The following VPS39 variants were observed in gnomAD, a reference collection of about 807,000 sequenced individuals.
VPS39 encodes the protein vam6/Vps39-like protein.
A neutral mutation model predicts 121.0 loss-of-function variants in VPS39; 70 were observed. The observed-to-expected ratio is 0.58, with a 90% CI of 0.48 to 0.71. VPS39 has a LOEUF of 0.71. Ranked by LOEUF, VPS39 falls within the 30% of genes least tolerant of loss-of-function variation. The pLI, the probability that VPS39 is intolerant of heterozygous loss-of-function variation, is 0.00. For synonymous variants in VPS39, 378 were observed against 398.1 expected, an observed-to-expected ratio of 0.95 and a Z score of 0.60; for missense variants, 818 against 1,051.5, an observed-to-expected ratio of 0.78 and a Z score of 3.07.
intron 1 of VPS39, among the ~76,000 whole-genome samples, chr15:42,206,804 G>T (rs1318014779): frequency 6.6e-6 from 1 of 152,174 alleles, no homozygotes; most frequent in Non-Finnish European, 1.5e-5. Flanking sequence ...AGAATGGCCC[G>T]TGTAGCCACC....
intron 1 of VPS39, among the ~76,000 whole-genome samples, chr15:42,203,446 C>G (rs2050106821): frequency 6.6e-6 from 1 of 150,818 alleles, no homozygotes; most frequent in Non-Finnish European, 1.5e-5. Context: ...TGCACTCCAG[C>G]CTGGGTGACG....
At position 42,166,463 on chromosome 15, in the gene VPS39, C is replaced by T. The variant is rs1026778176; in HGVS notation, c.1606+100G>A. ...AGGAATGAAATTGAGTGAACACGAG[C>T]ACGGGAGGGAGGGGAGCAACCAACC... On this transcript the variant is annotated intron_variant, in intron 15 of 24. Transcript: ENST00000318006. The T allele has an allele frequency of 4.4e-6, 6 of 1,357,686 alleles. No homozygotes were observed. In the African/African-American group the frequency reaches 8.6e-5, roughly 20 times the overall value. The allele number at this position is 1,357,686 out of a possible 1,614,324, so 84.1% of individuals were successfully genotyped here.
Position 42,159,116 on chromosome 15 carries a change from T to G in VPS39, c.*1638A>C, listed in dbSNP as rs2049079237. 1 of 152,236 alleles carries G rather than the reference T, an allele frequency of 6.6e-6. No homozygotes were observed. Among genetic ancestry groups the G allele is most frequent in the African/African-American group, 2.4e-5 (1 of 41,434 alleles). The allele number at this position is 152,236 out of a possible 1,614,324, so 9.4% of individuals were successfully genotyped here. A position where few individuals can be genotyped will look rare whatever the true frequency, so the allele number is the denominator to read the frequency against. ...CCAGTCGGGACGTGGCGCCACACAC[T>G]GCTCCTCCGAACTCTGGTGAAGGGC... On this transcript the variant is annotated 3_prime_UTR_variant, in exon 25 of 25. Transcript: ENST00000318006.
chr15:42,164,685 G>A, intron 18 of VPS39, 199 bp from the exon 19 acceptor site: 2 of 1,434,050 alleles, frequency 1.4e-6, no homozygotes, highest in Non-Finnish European at 1.8e-6. Flanking sequence ...AAAAAAATAA[G>A]CTGAATAGAG....
intron 1 of VPS39, among the ~76,000 whole-genome samples, chr15:42,201,017 G>A (rs1054727389): frequency 6.6e-6 from 1 of 152,186 alleles, no homozygotes; most frequent in Non-Finnish European, 1.5e-5. Flanking sequence ...AGAAAGATTA[G>A]CGGTTGCCCA....
At chr15:42,169,270 G>A (rs1299942508) in intron 12 of VPS39, among the ~76,000 whole-genome samples, 5 of 152,124 alleles carry the variant, frequency 3.3e-5, no homozygotes, top group African/African-American at 1.2e-4. Context: ...AAGTCTAGAA[G>A]GACAACACTA....
chr15:42,180,935 C>T (rs905478086), intron 8 of VPS39, among the ~76,000 whole-genome samples: 6 of 152,090 alleles, frequency 3.9e-5, no homozygotes, highest in Non-Finnish European at 8.8e-5. Context: ...TAAAATGGTG[C>T]GGCCGCTATG....
intron 7 of VPS39, among the ~76,000 whole-genome samples, chr15:42,186,665 C>T (rs1278585612): frequency 6.6e-6 from 1 of 152,176 alleles, no homozygotes; most frequent in Non-Finnish European, 1.5e-5. Context: ...GGTCATAAAA[C>T]AATTGTATAG....
In VPS39 at chr15:42,178,329, A is replaced by G. The variant is rs1373210046; in HGVS notation, c.849T>C (p.Ile283=). 1 of 1,614,206 alleles carries G rather than the reference A, an allele frequency of 6.2e-7. No individual in the cohort carries two copies. The highest frequency in any genetic ancestry group is 8.5e-7 in the Non-Finnish European group (1 of 1,180,038). The change falls in exon 10 of 25, where the codon ATT becomes ATC. Residue 283 remains isoleucine (I), a synonymous_variant. Transcript: ENST00000318006. ...CAAAATGATTGCTGGCCACATAGAT[A>G]ATGTTTGATCTGGAAGCAAGAGTAA... ...PRFITSGGSN[I]IYVASNHFVW... is the part of the protein sequence containing the mutation.
chr15:42,191,229 A>G, intron 3 of VPS39, 62 bp from the exon 4 acceptor site: 2 of 1,584,836 alleles, frequency 1.3e-6, no homozygotes, highest in Non-Finnish European at 1.7e-6. Context: ...GCAAATGTTC[A>G]TTCAATAACA....
intron 2 of VPS39, among the ~76,000 whole-genome samples, chr15:42,193,261 T>G (rs190513499): frequency 6.6e-6 from 1 of 152,182 alleles, no homozygotes; most frequent in Non-Finnish European, 1.5e-5. Flanking sequence ...TATTTAAAAA[T>G]AACAATAATA....
intron 13 of VPS39, 28 bp downstream of exon 13, chr15:42,167,366 G>T: frequency 6.2e-7 from 1 of 1,612,400 alleles, no homozygotes; most frequent in Non-Finnish European, 8.5e-7. Context: ...ACTGGGAATT[G>T]TGGCACCCGA....
At chr15:42,183,264 G>GTT (rs752801799) in intron 8 of VPS39, among the ~76,000 whole-genome samples, 10 of 141,104 alleles carry the variant, frequency 7.1e-5, no homozygotes, top group African/African-American at 1.8e-4. Flanking sequence ...CACTCAGCTA[G>GTT]TTTTTTTTTT....
intron 8 of VPS39, among the ~76,000 whole-genome samples, chr15:42,182,000 C>T (rs1281913460): frequency 9.9e-5 from 15 of 152,140 alleles, no homozygotes; most frequent in Admixed American, 9.2e-4. Context: ...AGGCATGAGT[C>T]GCTGCACTAG....
At chr15:42,163,461 G>A (rs377027363) in intron 20 of VPS39, 66 bp from the exon 21 acceptor site, 32 of 1,601,196 alleles carry the variant, frequency 2.0e-5, no homozygotes, top group East Asian at 4.5e-5. Context: ...GAGGCTGTGC[G>A]TGCAGCCTGC....
chr15:42,178,243 T>G lies in VPS39; in HGVS notation c.935A>C (p.Gln312Pro). The change falls in exon 10 of 25, where the codon CAG (glutamine) becomes CCG (proline). Residue 312 changes from glutamine (Q) to proline (P), a missense_variant. By Grantham distance (76) the Gln-to-Pro change is moderately conservative. Coordinates refer to ENST00000318006, the MANE Select transcript of VPS39 (RefSeq NM_015289.5). ...TQIQQLLQDKQFELALQLAEM... is the reference protein window; with the variant it reads ...TQIQQLLQDKPFELALQLAEM... ...TGCGAGCTGCAGAGCCAATTCAAAC[T>G]GCTTGTCCTGGAGAAGTTGTTGGAT... 1.2e-6 allele frequency: 2 copies of G among 1,614,178 alleles called. No individual in the cohort carries two copies. The highest frequency in any genetic ancestry group is 1.7e-6 in the Non-Finnish European group (2 of 1,180,036).
At chr15:42,187,190 G>C in intron 7 of VPS39, 81 bp downstream of exon 7, 1 of 1,093,716 alleles carries the variant, frequency 9.1e-7, no homozygotes, top group Non-Finnish European at 1.3e-6. Context: ...ACTTAAAGTG[G>C]TCGCTTGACC....
intron 9 of VPS39, 40 bp from the exon 10 acceptor site, chr15:42,178,378 C>T (rs1296380139): frequency 2.9e-5 from 47 of 1,613,906 alleles, no homozygotes; most frequent in Non-Finnish European, 4.0e-5. Flanking sequence ...AGATCACAGG[C>T]TTTGTGATGA....
At chr15:42,172,634 A>T (rs147157837) in intron 11 of VPS39, among the ~76,000 whole-genome samples, 1 of 152,366 alleles carries the variant, frequency 6.6e-6, no homozygotes, top group Non-Finnish European at 1.5e-5. Context: ...GCAACGGCTA[A>T]GAAGGTGGCT....
Sources: allele counts gnomAD v4.1 joint callset (sites outside exome capture counted in the v4.1 genomes callset), GRCh38; gene constraint gnomAD v4.1.1; transcripts MANE v1.5; gene names NCBI Gene and HGNC (gene_info 2026-07-23, HGNC 2026-07-21).